SCNN1B: variants seen among roughly 807,000 people sequenced by gnomAD.
The protein encoded by SCNN1B is epithelial sodium channel subunit beta.
In SCNN1B, 46 loss-of-function variants were observed where a neutral mutation model predicts 65.3. That is an observed-to-expected ratio of 0.70 (90% CI 0.56 to 0.90). The LOEUF (loss-of-function observed/expected upper bound fraction) is 0.90. SCNN1B is among the 40% of genes least tolerant of loss of function. SCNN1B has a pLI of 0.00. For missense variants in SCNN1B, 751 were observed against 830.5 expected (o/e 0.90, Z 1.18); for synonymous variants, 349 against 330.6 (o/e 1.06, Z -0.60).
In SCNN1B at chr16:23,371,282, C is replaced by T. The variant is rs760204834; in HGVS notation, c.881-17C>T. 8 of 1,613,638 alleles carry T rather than the reference C, an allele frequency of 5.0e-6. No individual in the cohort carries two copies. The Admixed American group carries it at 6.7e-5, about 13-fold the overall frequency. On this transcript the variant is annotated splice_polypyrimidine_tract_variant and intron_variant, in intron 5 of 12. Coordinates refer to ENST00000343070, the MANE Select transcript of SCNN1B (RefSeq NM_000336.3). ...CAGGAGAAAGTTCAGGCAGCCCTCA[C>T]CCCACCCTCCCCACAGGCCTGAAGT...
At chr16:23,356,993 C>T (rs1453609186) in intron 4 of SCNN1B, among the ~76,000 whole-genome samples, 1 of 152,378 alleles carries the variant, frequency 6.6e-6, no homozygotes. Context: ...TTGTCGGCCT[C>T]CTGACCCAGC....
rs761798925 is a variant in SCNN1B, at chr16:23,355,613, A to G, written c.776+124A>G. Reference sequence around the variant, plus strand: ...CAGCCACTTACCGGCTATCTGCAGCACAGTTTTCTGTGCCTCGGTGTCTTT... The same window carrying G: ...CAGCCACTTACCGGCTATCTGCAGCGCAGTTTTCTGTGCCTCGGTGTCTTT... On this transcript the variant is annotated intron_variant, in intron 4 of 12. Coordinates refer to ENST00000343070, the MANE Select transcript of SCNN1B (RefSeq NM_000336.3). 820 of 972,548 alleles carry G rather than the reference A, an allele frequency of 8.4e-4. 1 individual carries two copies. Among genetic ancestry groups the G allele is most frequent in the Non-Finnish European group, 1.0e-3 (655 of 629,072 alleles). The allele number at this position is 972,548 out of a possible 1,614,324, so 60.2% of individuals were successfully genotyped here.
chr16:23,377,495 CTCCT>C (rs2076540851), intron 10 of SCNN1B, 109 bp downstream of exon 10: 7 of 911,726 alleles, frequency 7.7e-6, no homozygotes, highest in South Asian at 6.8e-5. Context: ...TTTTCCCTCC[CTCCT>C]TCCTTCCTTC....
At chr16:23,278,239 C>T (rs570205772) in exon 1 of SCNN1B, 1 of 152,222 alleles carries the variant, frequency 6.6e-6, no homozygotes, top group South Asian at 2.1e-4. Context: ...CTGATACAGG[C>T]TAAAACATGC....
At chr16:23,287,385 T>C (rs1015134978) in intron 2 of SCNN1B, among the ~76,000 whole-genome samples, 1 of 151,992 alleles carries the variant, frequency 6.6e-6, no homozygotes, top group East Asian at 1.9e-4. Flanking sequence ...TTTAAACCAA[T>C]GGTAAAAGAC....
intron 1 of SCNN1B, among the ~76,000 whole-genome samples, chr16:23,282,804 G>C (rs936613136): frequency 6.6e-6 from 1 of 152,200 alleles, no homozygotes; most frequent in African/African-American, 2.4e-5. Context: ...CTCTTGATTT[G>C]TATGTAATTA....
At chr16:23,334,308 G>A (rs1961890542) in intron 1 of SCNN1B, among the ~76,000 whole-genome samples, 1 of 152,226 alleles carries the variant, frequency 6.6e-6, no homozygotes, top group Admixed American at 6.5e-5. Flanking sequence ...TGACATTGCT[G>A]TAAATTCTTA....
chr16:23,374,840 G>A (rs1392575547), intron 7 of SCNN1B, among the ~76,000 whole-genome samples: 1 of 151,862 alleles, frequency 6.6e-6, no homozygotes, highest in Non-Finnish European at 1.5e-5. Context: ...GGCCAGGGCT[G>A]TGTCCAGGAG....
At position 23,380,998 on chromosome 16, in the gene SCNN1B, C is replaced by A; in HGVS notation, c.*197C>A. 1.5e-6 allele frequency: 1 copy of A among 663,890 alleles called. No individual in the cohort carries two copies. The highest frequency in any genetic ancestry group is 2.7e-6 in the Non-Finnish European group (1 of 369,750). 41.1% of individuals were successfully genotyped at this position (663,890 alleles called of 1,614,324 possible). On this transcript the variant is annotated 3_prime_UTR_variant, in exon 13 of 13. Transcript: ENST00000343070. The surrounding 1 kb of genome is among the most constrained non-coding windows in gnomAD (Gnocchi z 5.4). Reference sequence around the variant, plus strand: ...GCTCTGTAGAATCACGGTGCTGGTACAGGATGCAGGAATAAATTGTATCTT... The same window carrying A: ...GCTCTGTAGAATCACGGTGCTGGTAAAGGATGCAGGAATAAATTGTATCTT...
chr16:23,340,189 G>A (rs956127391), intron 1 of SCNN1B, among the ~76,000 whole-genome samples: 10 of 152,062 alleles, frequency 6.6e-5, no homozygotes, highest in African/African-American at 1.9e-4. Context: ...TATATATTCC[G>A]CATAGAAATT....
chr16:23,326,553 C>T (rs1961701355), intron 1 of SCNN1B, among the ~76,000 whole-genome samples: 1 of 152,082 alleles, frequency 6.6e-6, no homozygotes, highest in South Asian at 2.1e-4. Context: ...CAAACTCTGC[C>T]TCCCAGGGTC....
chr16:23,306,036 C>T (rs761138480), intron 1 of SCNN1B, among the ~76,000 whole-genome samples: 2 of 151,990 alleles, frequency 1.3e-5, no homozygotes, highest in Non-Finnish European at 2.9e-5. Context: ...TGAGTTCAGG[C>T]GTTCGAGACC....
At chr16:23,292,117 C>T (rs1233847699) in intron 2 of SCNN1B, among the ~76,000 whole-genome samples, 2 of 151,930 alleles carry the variant, frequency 1.3e-5, no homozygotes, top group African/African-American at 4.8e-5. Flanking sequence ...CTGCCCTTGG[C>T]ACCCTTAGTT....
At chr16:23,300,239 T>C (rs1323109346), upstream of SCNN1B, among the ~76,000 whole-genome samples, 1 of 152,034 alleles carries the variant, frequency 6.6e-6, no homozygotes, top group Admixed American at 6.6e-5. Flanking sequence ...ATACCTAATG[T>C]AGATGATGGG....
intron 1 of SCNN1B, among the ~76,000 whole-genome samples, chr16:23,338,592 C>G (rs1024599583): frequency 6.6e-6 from 1 of 152,126 alleles, no homozygotes; most frequent in East Asian, 1.9e-4. Flanking sequence ...TTACAGGAGT[C>G]ACAAAGTCAG....
chr16:23,359,789 C>T (rs238549), intron 4 of SCNN1B, among the ~76,000 whole-genome samples: 75,646 of 152,148 alleles, frequency 0.5, 22,181 homozygotes, highest in African/African-American at 0.8. Flanking sequence ...AGTTTCCTCA[C>T]CTGGAAAGTG....
intron 1 of SCNN1B, among the ~76,000 whole-genome samples, chr16:23,333,149 A>AAGGAAG (rs1961857345): frequency 1.2e-4 from 11 of 89,466 alleles, no homozygotes; most frequent in South Asian, 4.0e-4. Context: ...AAGGAAGGAA[A>AAGGAAG]GAAGGAAGGA....
At chr16:23,372,684 G>A (rs1290198908) in intron 7 of SCNN1B, among the ~76,000 whole-genome samples, 4 of 151,422 alleles carry the variant, frequency 2.6e-5, no homozygotes, top group Admixed American at 6.6e-5. Flanking sequence ...TAGTAGAGAC[G>A]GGGTTTCACC....
intron 1 of SCNN1B, among the ~76,000 whole-genome samples, chr16:23,337,993 G>A (rs1027471862): frequency 6.6e-5 from 10 of 152,166 alleles, no homozygotes; most frequent in African/African-American, 2.4e-4. Flanking sequence ...GATCGCTGGA[G>A]TCCAGAAGGT....
Sources: allele counts gnomAD v4.1 joint callset (sites outside exome capture counted in the v4.1 genomes callset), GRCh38; gene constraint gnomAD v4.1.1; non-coding constraint Gnocchi (gnomAD v3.1); transcripts MANE v1.5; gene names NCBI Gene and HGNC (gene_info 2026-07-23, HGNC 2026-07-21).